ROBO2: variants seen among roughly 807,000 people sequenced by gnomAD.
The protein encoded by ROBO2 is roundabout guidance receptor 2.
ROBO2 carries 53 observed loss-of-function variants against 160.8 expected under a neutral mutation model. That is an observed-to-expected ratio of 0.33 (90% confidence interval 0.26 to 0.41). The LOEUF is 0.41. Among genes scored for constraint, ROBO2 ranks in the 10% least tolerant of loss-of-function variants. The probability of loss-of-function intolerance (pLI) is 1.00; values close to 1 mark genes in which losing one functional copy is unlikely to be tolerated. For synonymous variants in ROBO2, 664 were observed against 611.7 expected (o/e 1.09, Z -1.26); for missense variants, 1,577 against 1,722.4 (o/e 0.92, Z 1.49).
intron 2 of ROBO2, among the ~76,000 whole-genome samples, chr3:76,266,344 C>A (rs540820776): frequency 6.6e-6 from 1 of 152,160 alleles, no homozygotes; most frequent in East Asian, 1.9e-4. Flanking sequence ...CCAAATTATG[C>A]CCCTTGCCTG....
At chr3:77,562,108 T>G (rs57695141) in intron 9 of ROBO2, among the ~76,000 whole-genome samples, 4,407 of 151,218 alleles carry the variant, frequency 0.029, 230 homozygotes, top group African/African-American at 0.1. Context: ...TGTCTCGGGG[T>G]AAAAAAAAAG....
intron 2 of ROBO2, among the ~76,000 whole-genome samples, chr3:76,633,304 G>A (rs1220662933): frequency 1.3e-5 from 2 of 152,060 alleles, no homozygotes; most frequent in African/African-American, 2.4e-5. Flanking sequence ...CATGAAATCA[G>A]GCAAGCAAGT....
At position 76,478,307 on chromosome 3, in the gene ROBO2, C is replaced by T. The variant is rs183930276; in HGVS notation, c.109+540705C>T. Among the ~76,000 whole-genome samples the T allele has an allele frequency of 4.8e-3, 732 of 151,252 alleles. 1 individual carries two copies. The highest frequency in any genetic ancestry group is 8.2e-3 in the Non-Finnish European group (554 of 67,894). On this transcript the variant is annotated intron_variant, in intron 2 of 26. Coordinates refer to the ROBO2 transcript ENST00000487694. Reference sequence around the variant, plus strand: ...GCTTTTTTGTTCTTGCGATAGTTTACTGAGAATGATGATTTCCAATTTCAT... The same window carrying T: ...GCTTTTTTGTTCTTGCGATAGTTTATTGAGAATGATGATTTCCAATTTCAT...
At chr3:76,109,229 G>A (rs759327181) in intron 2 of ROBO2, among the ~76,000 whole-genome samples, 2 of 147,724 alleles carry the variant, frequency 1.4e-5, no homozygotes, top group Non-Finnish European at 3.0e-5. Context: ...TTTCCCAGAT[G>A]AAAATGCTTT....
chr3:77,350,841 A>G (rs955226558), intron 2 of ROBO2, among the ~76,000 whole-genome samples: 3 of 152,186 alleles, frequency 2.0e-5, no homozygotes, highest in Admixed American at 2.0e-4. Context: ...CCAGAAGAGG[A>G]GTCTCAGTCT....
intron 2 of ROBO2, among the ~76,000 whole-genome samples, chr3:76,412,253 C>G (rs956642226): frequency 1.3e-5 from 2 of 152,172 alleles, no homozygotes; most frequent in African/African-American, 2.4e-5. Context: ...CTGGGTTACT[C>G]CCACAACACG....
intron 2 of ROBO2, among the ~76,000 whole-genome samples, chr3:76,303,830 G>A (rs1277653564): frequency 1.3e-5 from 2 of 152,164 alleles, no homozygotes; most frequent in Non-Finnish European, 2.9e-5. Flanking sequence ...TGCAGATTCA[G>A]CCTTACCTTT....
At chr3:76,885,728 C>T (rs1303978145) in intron 2 of ROBO2, among the ~76,000 whole-genome samples, 1 of 152,058 alleles carries the variant, frequency 6.6e-6, no homozygotes, top group Non-Finnish European at 1.5e-5. Flanking sequence ...TCTAGTGCTG[C>T]CTAAGAATCT....
intron 2 of ROBO2, among the ~76,000 whole-genome samples, chr3:76,075,434 G>A (rs1167121514): frequency 6.7e-6 from 1 of 149,684 alleles, no homozygotes; most frequent in Non-Finnish European, 1.5e-5. Flanking sequence ...AGTTAAATGA[G>A]GGATATTTTT....
chr3:76,173,759 A>G (rs975572405), intron 2 of ROBO2, among the ~76,000 whole-genome samples: 2 of 151,950 alleles, frequency 1.3e-5, no homozygotes, highest in Admixed American at 6.6e-5. Flanking sequence ...TATCCATTCT[A>G]TCATTGATGG....
chr3:77,134,475 C>G (rs2076115312), intron 2 of ROBO2, among the ~76,000 whole-genome samples: 1 of 152,082 alleles, frequency 6.6e-6, no homozygotes, highest in South Asian at 2.1e-4. Flanking sequence ...ATTATGGTAC[C>G]ACAAACAGGA....
At chr3:75,967,570 A>G (rs762761556) in intron 2 of ROBO2, among the ~76,000 whole-genome samples, 3 of 151,590 alleles carry the variant, frequency 2.0e-5, no homozygotes, top group Admixed American at 6.6e-5. Context: ...GTAGGTATGT[A>G]TGGCCCTTAC....
chr3:77,103,334 T>C (rs1296228487), intron 2 of ROBO2, among the ~76,000 whole-genome samples: 1 of 152,164 alleles, frequency 6.6e-6, no homozygotes, highest in East Asian at 1.9e-4. Flanking sequence ...AGAGTAGAGA[T>C]TAAATGAGGT....
At chr3:77,040,800 G>A (rs2064003784) in exon 1 of ROBO2, 1 of 1,614,024 alleles carries the variant, frequency 6.2e-7, no homozygotes, top group Non-Finnish European at 8.5e-7. Context: ...GTCTGCTGAT[G>A]TTTACACAAC....
At chr3:76,572,498 A>G (rs1471603930) in intron 2 of ROBO2, among the ~76,000 whole-genome samples, 1 of 152,190 alleles carries the variant, frequency 6.6e-6, no homozygotes, top group Non-Finnish European at 1.5e-5. Context: ...TCCATCATCG[A>G]CATTTAGTCA....
chr3:77,316,231 C>G (rs765494156), intron 2 of ROBO2, among the ~76,000 whole-genome samples: 4 of 152,056 alleles, frequency 2.6e-5, no homozygotes, highest in Non-Finnish European at 5.9e-5. Context: ...CAAAATGGCA[C>G]GGAAGAAACA....
At chr3:76,112,354 G>A (rs1221912642) in intron 2 of ROBO2, among the ~76,000 whole-genome samples, 1 of 151,874 alleles carries the variant, frequency 6.6e-6, no homozygotes, top group Non-Finnish European at 1.5e-5. Context: ...ATGCACTAAT[G>A]TTCTTATATT....
chr3:76,125,609 A>AT (rs548810684), intron 2 of ROBO2, among the ~76,000 whole-genome samples: 347 of 149,810 alleles, frequency 2.3e-3, no homozygotes, highest in African/African-American at 7.7e-3. Context: ...GATGCTGAGC[A>AT]TTTTTTTTTC....
chr3:76,176,609 G>T (rs2073241619), intron 2 of ROBO2, among the ~76,000 whole-genome samples: 1 of 152,142 alleles, frequency 6.6e-6, no homozygotes, highest in African/African-American at 2.4e-5. Context: ...CAATGGATCT[G>T]TTAGGAGGAA....
Sources: gnomAD v4.1 joint callset for allele counts (sites outside exome capture counted in the v4.1 genomes callset) on GRCh38, gnomAD v4.1.1 for gene constraint, MANE v1.5 for transcripts, NCBI Gene and HGNC (gene_info 2026-07-23, HGNC 2026-07-21) for gene names.